ZBTB7C: variants seen among roughly 807,000 people sequenced by gnomAD.
ZBTB7C encodes zinc finger and BTB domain containing 7C, also known as zinc finger and BTB domain-containing protein 7C.
Under a neutral mutation model 25.7 loss-of-function variants are expected in ZBTB7C, and 8 were observed. The observed-to-expected ratio is 0.31, with a 90% CI of 0.18 to 0.56. ZBTB7C has a LOEUF of 0.56. ZBTB7C is among the 20% of genes least tolerant of loss of function. The pLI is 0.91. For missense variants in ZBTB7C, 824 were observed against 855.2 expected (o/e 0.96, Z 0.46); for synonymous variants, 394 against 369.0 (o/e 1.07, Z -0.78).
chr18:48,048,962 C>T (rs1033746994), intron 3 of ZBTB7C, among the ~76,000 whole-genome samples: 1 of 152,186 alleles, frequency 6.6e-6, no homozygotes, highest in African/African-American at 2.4e-5. Context: ...CCCCAGGCCA[C>T]ATGGCAAATC....
chr18:48,083,640 T>TAATCACTGAATGCTTCTCTGTAACGG (rs2038076655), intron 3 of ZBTB7C, among the ~76,000 whole-genome samples: 4 of 152,192 alleles, frequency 2.6e-5, no homozygotes, highest in Non-Finnish European at 5.9e-5. Flanking sequence ...TGGAAATCTC[T>TAATCACTGAATGCTTCTCTGTAACGG]AATCACTGAA....
At chr18:48,363,169 G>A (rs183427353) in intron 1 of ZBTB7C, among the ~76,000 whole-genome samples, 9 of 152,226 alleles carry the variant, frequency 5.9e-5, no homozygotes, top group African/African-American at 2.2e-4. Context: ...TAAGGCTAGT[G>A]CTATTGCTGT....
At chr18:48,145,290 T>C (rs191292405) in intron 3 of ZBTB7C, among the ~76,000 whole-genome samples, 1 of 152,188 alleles carries the variant, frequency 6.6e-6, no homozygotes, top group Non-Finnish European at 1.5e-5. Flanking sequence ...TCCCTTCCCA[T>C]TGCTTTTGCT....
intron 2 of ZBTB7C, among the ~76,000 whole-genome samples, chr18:48,335,644 T>A (rs941491563): frequency 5.9e-5 from 9 of 152,194 alleles, no homozygotes; most frequent in Admixed American, 5.9e-4. Flanking sequence ...TGGCAAGATA[T>A]TCTAGAGTCT....
intron 2 of ZBTB7C, chr18:48,252,104 T>G (rs1407168176): frequency 6.6e-6 from 1 of 152,180 alleles, no homozygotes; most frequent in Non-Finnish European, 1.5e-5. Flanking sequence ...GTTAAGAGAA[T>G]AAATTAATGA....
chr18:48,069,888 A>T (rs2037478176), intron 3 of ZBTB7C, among the ~76,000 whole-genome samples: 1 of 152,150 alleles, frequency 6.6e-6, no homozygotes, highest in Non-Finnish European at 1.5e-5. Flanking sequence ...AAATGGCTTC[A>T]GGGGAGTCAG....
At chr18:48,370,857 C>T (rs1033228185) in intron 1 of ZBTB7C, among the ~76,000 whole-genome samples, 2 of 152,124 alleles carry the variant, frequency 1.3e-5, no homozygotes, top group African/African-American at 4.8e-5. Flanking sequence ...AGAGAAAGCA[C>T]CTTTGAGATC....
intron 1 of ZBTB7C, chr18:48,408,774 G>C (rs944124191): frequency 6.6e-6 from 1 of 151,448 alleles, no homozygotes; most frequent in African/African-American, 2.4e-5. Context: ...CCCCGCTCGG[G>C]CCCGCAGGCG....
intron 3 of ZBTB7C, among the ~76,000 whole-genome samples, chr18:48,057,929 T>C (rs1363882980): frequency 6.6e-6 from 1 of 152,230 alleles, no homozygotes; most frequent in Admixed American, 6.5e-5. Flanking sequence ...GCCCAGCACC[T>C]GTCTACTGCA....
At chr18:48,317,505 T>C (rs190200400) in intron 2 of ZBTB7C, among the ~76,000 whole-genome samples, 5 of 152,202 alleles carry the variant, frequency 3.3e-5, no homozygotes, top group Non-Finnish European at 5.9e-5. Context: ...TCTCCCCAAA[T>C]GTCCTGTGTC....
At chr18:48,372,038 G>A (rs572249660) in intron 1 of ZBTB7C, among the ~76,000 whole-genome samples, 114 of 152,280 alleles carry the variant, frequency 7.5e-4, no homozygotes, top group Admixed American at 1.7e-3. Context: ...CCATAACCCT[G>A]TGTCTGACAC....
Position 48,209,557 on chromosome 18 carries a change from C to T in ZBTB7C, c.-78-23562G>A, listed in dbSNP as rs368976814. Among the ~76,000 whole-genome samples the T allele has an allele frequency of 3.9e-5, 6 of 152,072 alleles. No individual in the cohort carries two copies. In the South Asian group the frequency reaches 1.0e-3, roughly 26 times the overall value. On this transcript the variant is annotated intron_variant, in intron 2 of 4. Transcript: ENST00000590800. ...ACTGCTTGAGGCCCAGAGTTCAAGA[C>T]CAGCCCAGGCAACATAGTGAGACAC...
At chr18:48,076,207 C>T (rs201693988) in intron 3 of ZBTB7C, among the ~76,000 whole-genome samples, 9 of 152,228 alleles carry the variant, frequency 5.9e-5, no homozygotes, top group Non-Finnish European at 1.0e-4. Flanking sequence ...AGGCACTTTA[C>T]TCCTGTGACC....
upstream of ZBTB7C, among the ~76,000 whole-genome samples, chr18:48,411,707 G>T (rs1056881716): frequency 6.6e-6 from 1 of 152,146 alleles, no homozygotes; most frequent in Non-Finnish European, 1.5e-5. Flanking sequence ...CATAAAAAGG[G>T]CATTTAGGTT....
At chr18:48,180,906 A>T (rs1261112000) in intron 3 of ZBTB7C, among the ~76,000 whole-genome samples, 1 of 152,214 alleles carries the variant, frequency 6.6e-6, no homozygotes, top group Admixed American at 6.5e-5. Flanking sequence ...GATGCAGTCC[A>T]TTTTAAGTTT....
chr18:48,392,323 C>T (rs2047921725), intron 1 of ZBTB7C, among the ~76,000 whole-genome samples: 1 of 151,768 alleles, frequency 6.6e-6, no homozygotes, highest in Admixed American at 6.6e-5. Context: ...CTTTTTTTGT[C>T]CCAAAATACA....
intron 1 of ZBTB7C, among the ~76,000 whole-genome samples, chr18:48,351,542 G>A (rs1234311207): frequency 6.6e-6 from 1 of 152,182 alleles, no homozygotes; most frequent in African/African-American, 2.4e-5. Context: ...GCTACAAGAG[G>A]AGATAACAAA....
chr18:48,097,382 G>GTTATTATTATTATTATTA (rs1555691088), intron 3 of ZBTB7C, among the ~76,000 whole-genome samples: 7 of 144,968 alleles, frequency 4.8e-5, no homozygotes, highest in African/African-American at 1.5e-4. Context: ...TATTGTTGTT[G>GTTATTATTATTATTATTA]TTATTATTAT....
chr18:48,080,664 T>A (rs1212756851), intron 3 of ZBTB7C, among the ~76,000 whole-genome samples: 1 of 152,226 alleles, frequency 6.6e-6, no homozygotes, highest in Non-Finnish European at 1.5e-5. Flanking sequence ...GTGGCTGATG[T>A]GGCACCATGT....
Sources: allele counts gnomAD v4.1 joint callset (sites outside exome capture counted in the v4.1 genomes callset), GRCh38; gene constraint gnomAD v4.1.1; transcripts MANE v1.5; gene names NCBI Gene and HGNC (gene_info 2026-07-23, HGNC 2026-07-21).